Variants in RBM4B observed in about 807,000 individuals in gnomAD.
RBM4B encodes the protein RNA-binding protein 4B.
RBM4B carries 13 observed loss-of-function variants against 28.5 expected under a neutral mutation model. The observed-to-expected ratio is 0.46, with a 90% CI of 0.30 to 0.72. The LOEUF (loss-of-function observed/expected upper bound fraction) is 0.72. Among genes scored for constraint, RBM4B ranks in the 30% least tolerant of loss-of-function variants. The probability of loss-of-function intolerance (pLI) is 0.09; values close to 1 mark genes in which losing one functional copy is unlikely to be tolerated. For synonymous variants in RBM4B, 167 were observed against 179.1 expected, an observed-to-expected ratio of 0.93 and a Z score of 0.54; for missense variants, 387 against 477.6, an observed-to-expected ratio of 0.81 and a Z score of 1.77.
At position 66,670,957 on chromosome 11, in the gene RBM4B, C is replaced by G. The variant is rs1565094504; in HGVS notation, c.413-1666G>C. On this transcript the variant is annotated intron_variant, in intron 2 of 3. Coordinates refer to ENST00000310046, the MANE Select transcript of RBM4B (RefSeq NM_031492.4). ...AGACCTTCTTCTGGATGCAGCTATG[C>G]GAGAGGAAGCCTTGTGCTCCACCAT... 4.3e-6 allele frequency: 3 copies of G among 702,470 alleles called. No homozygotes were observed. In the African/African-American group the frequency reaches 5.2e-5, roughly 12 times the overall value. 43.5% of individuals were successfully genotyped at this position (702,470 alleles called of 1,614,324 possible).
chr11:66,668,650 C>T lies in RBM4B; in HGVS notation c.1054G>A (p.Asp352Asn), dbSNP rs749330500. The T allele has an allele frequency of 6.2e-7, 1 of 1,611,614 alleles. No homozygotes were observed. The highest frequency in any genetic ancestry group is 8.5e-7 in the Non-Finnish European group (1 of 1,177,840). Reference protein sequence around the residue: ...MARYEREQYVDRARYSAF With the variant: ...MARYEREQYVNRARYSAF Reference sequence around the variant, plus strand: ...TAAAAGGCTGAGTACCGGGCTCGGTCCACATACTGCTCCCGTTCATACCGG... The same window carrying T: ...TAAAAGGCTGAGTACCGGGCTCGGTTCACATACTGCTCCCGTTCATACCGG... The change falls in exon 3 of 4, where the codon GAC becomes AAC. Residue 352 changes from aspartate to asparagine, a missense_variant. Asp to Asn is a conservative substitution (Grantham distance 23). This residue lies in a region of RBM4B where 226 missense variants were observed against 220.6 expected (regional missense o/e 1.02). Coordinates refer to ENST00000310046, the MANE Select transcript of RBM4B (RefSeq NM_031492.4).
At chr11:66,672,824 T>G (rs1166147596) in intron 2 of RBM4B, among the ~76,000 whole-genome samples, 1 of 152,094 alleles carries the variant, frequency 6.6e-6, no homozygotes, top group Non-Finnish European at 1.5e-5. Context: ...TACCCTAAAG[T>G]TTTTATAGTA....
chr11:66,669,401 C>A, intron 2 of RBM4B, 110 bp from the exon 3 acceptor site: 2 of 1,021,878 alleles, frequency 2.0e-6, no homozygotes, highest in East Asian at 4.9e-5. Context: ...GACGCACACA[C>A]CTGTGACCCT....
At chr11:66,670,786 C>T in intron 2 of RBM4B, 1 of 592,812 alleles carries the variant, frequency 1.7e-6, no homozygotes, top group Middle Eastern at 2.8e-4. Context: ...CCTGCCTGGG[C>T]AACAGTGTGA....
intron 1 of RBM4B, 73 bp downstream of exon 1, chr11:66,677,691 G>T (rs543617738): frequency 6.5e-6 from 1 of 153,374 alleles, no homozygotes; most frequent in African/African-American, 2.4e-5. Context: ...AATCCGGGCC[G>T]TGCAGTCTGC....
chr11:66,676,635 T>TCGG, intron 2 of RBM4B, 33 bp downstream of exon 2: 1 of 1,607,576 alleles, frequency 6.2e-7, no homozygotes. Context: ...TAGACCCCAC[T>TCGG]CGGCGCTACT....
chr11:66,676,810 G>C lies in RBM4B; in HGVS notation c.270C>G (p.Thr90=). ...LHVGNISPTC[T]NQELRAKFEE... Reference sequence around the variant, plus strand: ...CAAACTTGGCTCGAAGCTCTTGGTTGGTACAAGTGGGGCTGATGTTACCCA... The same window carrying C: ...CAAACTTGGCTCGAAGCTCTTGGTTCGTACAAGTGGGGCTGATGTTACCCA... Residue 90 remains threonine (T), a synonymous_variant, in exon 2 of 4, where the codon ACC becomes ACG. Coordinates refer to ENST00000310046, the MANE Select transcript of RBM4B (RefSeq NM_031492.4). 6.2e-7 allele frequency: 1 copy of C among 1,614,136 alleles called. No homozygotes were observed. The highest frequency in any genetic ancestry group is 8.5e-7 in the Non-Finnish European group (1 of 1,180,024).
intron 2 of RBM4B, among the ~76,000 whole-genome samples, chr11:66,671,515 A>C (rs373078944): frequency 2.6e-5 from 4 of 152,194 alleles, no homozygotes; most frequent in South Asian, 4.1e-4. Flanking sequence ...CAGAGACCTA[A>C]AAGTAACATT....
In RBM4B at chr11:66,676,772, G is replaced by T. The variant is rs781441015; in HGVS notation, c.308C>A (p.Pro103Gln). 1 of 1,614,002 alleles carries T rather than the reference G, an allele frequency of 6.2e-7. No homozygotes were observed. The highest frequency in any genetic ancestry group is 1.3e-5 in the African/African-American group (1 of 74,890). Reference sequence around the variant, plus strand: ...TTTCACGATGTCACATTCGATGACCGGACCATACTCCTCAAACTTGGCTCG... The same window carrying T: ...TTTCACGATGTCACATTCGATGACCTGACCATACTCCTCAAACTTGGCTCG... ...ELRAKFEEYG[P>Q]VIECDIVKDY... The change falls in exon 2 of 4, where the codon CCG becomes CAG. Residue 103 changes from proline to glutamine, a missense_variant. By Grantham distance (76) the Pro-to-Gln change is moderately conservative. Transcript: ENST00000310046.
intron 2 of RBM4B, chr11:66,675,689 C>G (rs1939612917): frequency 6.6e-6 from 1 of 152,202 alleles, no homozygotes; most frequent in Admixed American, 6.5e-5. Context: ...CAAGACGATA[C>G]TGTTAACAAA....
At chr11:66,666,534 G>A (rs759719301) in intron 3 of RBM4B, 9 of 761,362 alleles carry the variant, frequency 1.2e-5, no homozygotes, top group Non-Finnish European at 1.4e-5. Flanking sequence ...CTAAAAAGAG[G>A]TTAGTTGAAC....
In RBM4B at chr11:66,668,993, C is replaced by T. The variant is rs200334725; in HGVS notation, c.711G>A (p.Ala237=). 91 of 1,614,044 alleles carry T rather than the reference C, an allele frequency of 5.6e-5. 1 individual carries two copies. The highest frequency in any genetic ancestry group is 1.1e-4 in the East Asian group (5 of 44,880). Residue 237 remains alanine, a synonymous_variant, in exon 3 of 4, where the codon GCG becomes GCA. Transcript: ENST00000310046. ...RSYEAVAAAA[A]ASAYNYAEQT... ...GCTCTGCGTAGTTGTATGCAGAAGC[C>T]GCTGCCGCCGCTGCTACTGCCTCAT...
intron 2 of RBM4B, among the ~76,000 whole-genome samples, chr11:66,670,023 C>T (rs150149274): frequency 6.6e-5 from 10 of 152,340 alleles, no homozygotes; most frequent in African/African-American, 2.4e-4. Context: ...CTCTCACTGA[C>T]TGACTAAGGA....
intron 2 of RBM4B, among the ~76,000 whole-genome samples, chr11:66,674,210 T>G (rs1197044407): frequency 6.6e-6 from 1 of 150,416 alleles, no homozygotes; most frequent in Non-Finnish European, 1.5e-5. Context: ...TTCAGGTAGC[T>G]TTTCTTTTTC....
chr11:66,668,992 C>T lies in RBM4B; in HGVS notation c.712G>A (p.Ala238Thr). ...SYEAVAAAAA[A>T]SAYNYAEQTM... ...TGCTCTGCGTAGTTGTATGCAGAAG[C>T]CGCTGCCGCCGCTGCTACTGCCTCA... Residue 238 changes from alanine (A) to threonine (T), a missense_variant, in exon 3 of 4, where the codon GCT becomes ACT. Ala to Thr is a moderately conservative substitution (Grantham distance 58). Around this residue, in one of 2 missense-constraint regions of RBM4B, gnomAD observed 226 missense variants for 220.6 expected, o/e 1.02. Coordinates refer to ENST00000310046, the MANE Select transcript of RBM4B (RefSeq NM_031492.4). 6.2e-7 allele frequency: 1 copy of T among 1,614,086 alleles called. No individual in the cohort carries two copies. The highest frequency in any genetic ancestry group is 1.3e-5 in the African/African-American group (1 of 75,054).
intron 2 of RBM4B, among the ~76,000 whole-genome samples, chr11:66,670,243 C>T (rs1034915144): frequency 7.4e-6 from 1 of 134,314 alleles, no homozygotes; most frequent in African/African-American, 2.7e-5. Flanking sequence ...CCCCGACCCC[C>T]CCAAGGCTAC....
chr11:66,666,114 A>C, intron 3 of RBM4B: 1 of 800,474 alleles, frequency 1.2e-6, no homozygotes, highest in Non-Finnish European at 1.9e-6. Flanking sequence ...TACATGTCAC[A>C]CTGTCACAGA....
chr11:66,665,748 T>C, intron 3 of RBM4B, 170 bp from the exon 4 acceptor site: 1 of 1,318,810 alleles, frequency 7.6e-7, no homozygotes. Flanking sequence ...TAGGAGTCTA[T>C]CAATAGCTAT....
intron 2 of RBM4B, chr11:66,670,890 CA>C: frequency 1.4e-6 from 1 of 702,064 alleles, no homozygotes. Flanking sequence ...CTGCTGAGAA[CA>C]AATCCCCCCT....
Sources: gnomAD v4.1 joint callset for allele counts (sites outside exome capture counted in the v4.1 genomes callset) on GRCh38, gnomAD v4.1.1 for gene constraint, gnomAD v4.1.1 regional missense constraint, MANE v1.5 for transcripts, NCBI Gene and HGNC (gene_info 2026-07-23, HGNC 2026-07-21) for gene names.